DCC: variants seen among roughly 807,000 people sequenced by gnomAD.
DCC encodes the protein netrin receptor DCC.
DCC carries 58 observed loss-of-function variants against 172.5 expected under a neutral mutation model. That is an observed-to-expected ratio of 0.34 (90% confidence interval 0.27 to 0.42). DCC has a LOEUF of 0.42. Ranked by LOEUF, DCC falls within the 10% of genes least tolerant of loss-of-function variation. The pLI, the probability that DCC is intolerant of heterozygous loss-of-function variation, is 1.00. For synonymous variants in DCC, 709 were observed against 644.5 expected (o/e 1.10, Z -1.52); for missense variants, 1,740 against 1,791.0 (o/e 0.97, Z 0.51).
chr18:52,816,342 A>C (rs9956619), intron 2 of DCC, among the ~76,000 whole-genome samples: 76 of 152,310 alleles, frequency 5.0e-4, no homozygotes, highest in African/African-American at 1.6e-3. Flanking sequence ...CAGTCAACGA[A>C]AACATTCCTC....
intron 22 of DCC, among the ~76,000 whole-genome samples, chr18:53,442,526 T>C (rs1912336946): frequency 6.6e-6 from 1 of 152,186 alleles, no homozygotes; most frequent in Admixed American, 6.5e-5. Context: ...GGGGCTTCTC[T>C]ATTCTCTGAG....
At chr18:52,802,627 C>T (rs1383922861) in intron 2 of DCC, among the ~76,000 whole-genome samples, 3 of 126,466 alleles carry the variant, frequency 2.4e-5, no homozygotes, top group African/African-American at 8.7e-5. Flanking sequence ...CACAGGTACA[C>T]ATCACCACGC....
chr18:52,990,690 CT>C (rs767441032), intron 5 of DCC, among the ~76,000 whole-genome samples: 79 of 152,186 alleles, frequency 5.2e-4, no homozygotes, highest in Non-Finnish European at 1.1e-3. Context: ...TCCAATCCCC[CT>C]AAGCATGTAT....
chr18:53,098,067 TC>T (rs1379408815), intron 7 of DCC, among the ~76,000 whole-genome samples: 1 of 152,150 alleles, frequency 6.6e-6, no homozygotes, highest in East Asian at 1.9e-4. Flanking sequence ...TTCTCTGACT[TC>T]CTACAGAGTA....
chr18:52,611,758 A>T (rs2034281036), intron 1 of DCC, among the ~76,000 whole-genome samples: 1 of 152,200 alleles, frequency 6.6e-6, no homozygotes, highest in Admixed American at 6.5e-5. Flanking sequence ...TAATAGGATC[A>T]CTGATTTCTA....
chr18:52,847,185 T>G (rs938143151), intron 2 of DCC, among the ~76,000 whole-genome samples: 1 of 152,248 alleles, frequency 6.6e-6, no homozygotes, highest in South Asian at 2.1e-4. Context: ...TTTGAAAGTT[T>G]TGCTACTTAG....
intron 15 of DCC, among the ~76,000 whole-genome samples, chr18:53,365,393 A>AT (rs2057994130): frequency 1.4e-5 from 2 of 147,330 alleles, no homozygotes; most frequent in Admixed American, 1.3e-4. Context: ...AAAGTACAGT[A>AT]ATATATATAT....
rs369160763 is a variant in DCC at position 53,251,393 on chromosome 18, A to C, written c.1911+35796A>C. Among the ~76,000 whole-genome samples, 24 of 152,004 alleles carry C rather than the reference A, an allele frequency of 1.6e-4. No individual in the cohort carries two copies. In the East Asian group the frequency reaches 2.7e-3, roughly 17 times the overall value. ...CTCACTTTTGTATTTCTTTATCTTTAAATTAGAATTAAGCCATTTAAATGG... is the reference window on the plus strand; with the variant it reads ...CTCACTTTTGTATTTCTTTATCTTTCAATTAGAATTAAGCCATTTAAATGG... On this transcript the variant is annotated intron_variant, in intron 12 of 28. Coordinates refer to ENST00000442544, the MANE Select transcript of DCC (RefSeq NM_005215.4).
intron 1 of DCC, among the ~76,000 whole-genome samples, chr18:52,485,658 T>A (rs57464233): frequency 6.6e-6 from 1 of 152,002 alleles, no homozygotes; most frequent in Non-Finnish European, 1.5e-5. Flanking sequence ...GTATTATGAG[T>A]GTTTCATTTG....
chr18:52,567,847 C>T (rs2033196694), intron 1 of DCC, among the ~76,000 whole-genome samples: 1 of 151,846 alleles, frequency 6.6e-6, no homozygotes, highest in Non-Finnish European at 1.5e-5. Context: ...TGAGGGAATT[C>T]CTTTATCAGG....
At chr18:52,838,554 G>A (rs578232568) in intron 2 of DCC, among the ~76,000 whole-genome samples, 4 of 152,012 alleles carry the variant, frequency 2.6e-5, no homozygotes, top group African/African-American at 4.8e-5. Flanking sequence ...GTAAGAAATC[G>A]ATTATTATTC....
intron 1 of DCC, among the ~76,000 whole-genome samples, chr18:52,591,437 A>T (rs1255431459): frequency 6.6e-6 from 1 of 152,158 alleles, no homozygotes; most frequent in African/African-American, 2.4e-5. Flanking sequence ...TATGGGTTGC[A>T]TGAAAGTCAA....
chr18:53,209,011 G>A (rs982445812), intron 11 of DCC, among the ~76,000 whole-genome samples: 33 of 152,164 alleles, frequency 2.2e-4, no homozygotes, highest in Non-Finnish European at 2.6e-4. Flanking sequence ...GATTACAAGC[G>A]TGAGCCACTG....
intron 15 of DCC, among the ~76,000 whole-genome samples, chr18:53,356,686 T>C (rs1485168107): frequency 6.6e-6 from 1 of 152,164 alleles, no homozygotes; most frequent in Non-Finnish European, 1.5e-5. Flanking sequence ...AGTGTCCTCA[T>C]ACACATGCAC....
intron 21 of DCC, among the ~76,000 whole-genome samples, chr18:53,421,230 G>C (rs534999086): frequency 1.3e-5 from 2 of 152,208 alleles, no homozygotes; most frequent in South Asian, 4.1e-4. Flanking sequence ...TATGAAAATC[G>C]ATATTCTTAG....
At chr18:53,482,244 T>C (rs752461587) in intron 25 of DCC, among the ~76,000 whole-genome samples, 1 of 152,188 alleles carries the variant, frequency 6.6e-6, no homozygotes, top group East Asian at 1.9e-4. Context: ...AATAAAATAC[T>C]TCAAGATCGA....
At chr18:52,927,724 A>T (rs1598939288) in intron 5 of DCC, among the ~76,000 whole-genome samples, 1 of 152,220 alleles carries the variant, frequency 6.6e-6, no homozygotes, top group African/African-American at 2.4e-5. Context: ...ATCTCACACC[A>T]GTCAGAATGT....
At position 52,906,287 on chromosome 18, in the gene DCC, G is replaced by A. The variant is rs371223769; in HGVS notation, c.656G>A (p.Ser219Asn). ...CGATGCTCAGCTCGAAATCCAGCCA[G>A]CTCAAGAACAGGAAATGAAGCAGAA... ...IYRCSARNPA[S>N]SRTGNEAEVR... The change falls in exon 3 of 29, where the codon AGC becomes AAC. Residue 219 changes from serine (S) to asparagine (N), a missense_variant. By Grantham distance (46) the Ser-to-Asn change is conservative. This residue lies in a region of DCC where 1,732 missense variants were observed against 1,767.4 expected (regional missense o/e 0.98). Coordinates refer to ENST00000442544, the MANE Select transcript of DCC (RefSeq NM_005215.4). 1 of 1,613,936 alleles carries A rather than the reference G, an allele frequency of 6.2e-7. No individual in the cohort carries two copies.
chr18:52,837,478 G>T (rs545115693), intron 2 of DCC, among the ~76,000 whole-genome samples: 7 of 152,240 alleles, frequency 4.6e-5, no homozygotes, highest in South Asian at 2.1e-4. Context: ...GATCTCTAGG[G>T]CAGGGACAAA....
Sources: gnomAD v4.1 joint callset for allele counts (sites outside exome capture counted in the v4.1 genomes callset) on GRCh38, gnomAD v4.1.1 for gene constraint, gnomAD v4.1.1 regional missense constraint, MANE v1.5 for transcripts, NCBI Gene and HGNC (gene_info 2026-07-23, HGNC 2026-07-21) for gene names.